The following IRAK3 variants were observed in gnomAD, a reference collection of about 807,000 sequenced individuals.
IRAK3 encodes the protein interleukin 1 receptor associated kinase 3.
Under a neutral mutation model 56.6 loss-of-function variants are expected in IRAK3, and 57 were observed. The observed-to-expected ratio is 1.01, with a 90% CI of 0.81 to 1.26. The LOEUF (loss-of-function observed/expected upper bound fraction) is 1.26. IRAK3 is among the 50% of genes most tolerant of loss of function. IRAK3 has a pLI of 0.00. For synonymous variants in IRAK3, 258 were observed against 255.7 expected, an observed-to-expected ratio of 1.01 and a Z score of -0.09; for missense variants, 703 against 719.0, an observed-to-expected ratio of 0.98 and a Z score of 0.25.
At chr12:66,207,038 T>C (rs757626617) in intron 2 of IRAK3, among the ~76,000 whole-genome samples, 12 of 152,198 alleles carry the variant, frequency 7.9e-5, no homozygotes, top group Middle Eastern at 3.2e-3. Flanking sequence ...TTCTGTGAGG[T>C]CAGTATTGAT....
intron 6 of IRAK3, among the ~76,000 whole-genome samples, chr12:66,218,607 T>G (rs1466281173): frequency 6.6e-6 from 1 of 152,170 alleles, no homozygotes; most frequent in Non-Finnish European, 1.5e-5. Context: ...TAGGTGAAAA[T>G]AGTTTATCAG....
intron 8 of IRAK3, among the ~76,000 whole-genome samples, chr12:66,244,161 A>C (rs923640788): frequency 6.6e-6 from 1 of 152,234 alleles, no homozygotes; most frequent in African/African-American, 2.4e-5. Context: ...GTGTAAGAAA[A>C]GCACAAGGAA....
intron 1 of IRAK3, among the ~76,000 whole-genome samples, chr12:66,199,292 G>A (rs1472275650): frequency 2.0e-5 from 3 of 152,208 alleles, no homozygotes; most frequent in Non-Finnish European, 4.4e-5. Flanking sequence ...GTGAGGCTGT[G>A]TTTTGCCTGG....
chr12:66,198,968 G>C (rs1263544507), intron 1 of IRAK3, among the ~76,000 whole-genome samples: 1 of 151,916 alleles, frequency 6.6e-6, no homozygotes, highest in Non-Finnish European at 1.5e-5. Flanking sequence ...ATGTTGCCCA[G>C]ACTGGTCTTA....
At chr12:66,189,848 A>G (rs1295155345) in intron 1 of IRAK3, among the ~76,000 whole-genome samples, 2 of 152,196 alleles carry the variant, frequency 1.3e-5, no homozygotes, top group Non-Finnish European at 2.9e-5. Flanking sequence ...GGTGTTTTCA[A>G]TGCATCCCTA....
At chr12:66,193,303 G>A (rs1193125057) in intron 1 of IRAK3, among the ~76,000 whole-genome samples, 2 of 152,086 alleles carry the variant, frequency 1.3e-5, no homozygotes, top group East Asian at 1.9e-4. Flanking sequence ...GTGAGCCACC[G>A]CGCCTGGCCT....
chr12:66,244,444 T>G, intron 8 of IRAK3, 42 bp from the exon 9 acceptor site: 1 of 1,460,024 alleles, frequency 6.8e-7, no homozygotes, highest in Non-Finnish European at 9.6e-7. Context: ...CTGAAGTGCC[T>G]TTATGATATT....
chr12:66,239,797 C>A (rs1391150080), intron 8 of IRAK3, among the ~76,000 whole-genome samples: 1 of 152,076 alleles, frequency 6.6e-6, no homozygotes, highest in East Asian at 1.9e-4. Context: ...CCTATTAATT[C>A]TATTTGCCAC....
At position 66,249,692 on chromosome 12, in the gene IRAK3, G is replaced by C. The variant is rs1031851158; in HGVS notation, c.*1521G>C. 3 of 152,428 alleles carry C rather than the reference G, an allele frequency of 2.0e-5. No homozygotes were observed. Among genetic ancestry groups the C allele is most frequent in the African/African-American group, 7.3e-5 (3 of 41,376 alleles). 9.4% of individuals were successfully genotyped at this position (152,428 alleles called of 1,614,324 possible). On this transcript the variant is annotated 3_prime_UTR_variant, in exon 12 of 12. Transcript: ENST00000261233. The stretch of plus-strand genomic sequence containing the variant: ...TCTTTGGCTCATGGCCTCTTCCTCC[G>C]TCTTCAAAGCCAGCAACGTGACATT...
At chr12:66,239,105 C>A (rs2136948451) in intron 8 of IRAK3, among the ~76,000 whole-genome samples, 1 of 152,212 alleles carries the variant, frequency 6.6e-6, no homozygotes, top group South Asian at 2.1e-4. Context: ...TAGCATTTTC[C>A]ATCCCAGACA....
In IRAK3 at chr12:66,189,277, C is replaced by A; in HGVS notation, c.-23C>A. The A allele has an allele frequency of 6.5e-7, 1 of 1,535,180 alleles. No individual in the cohort carries two copies. Among genetic ancestry groups the A allele is most frequent in the South Asian group, 1.2e-5 (1 of 84,204 alleles). On this transcript the variant is annotated 5_prime_UTR_variant, in exon 1 of 12. Transcript: ENST00000261233. ...GCAGGGACCTGGACTCCGCCTCGTC[C>A]CCGGGGCTCGGGCAGCCGAGCCATG...
chr12:66,217,418 T>C (rs1451773460), intron 6 of IRAK3, among the ~76,000 whole-genome samples, 183 bp downstream of exon 6: 1 of 152,194 alleles, frequency 6.6e-6, no homozygotes, highest in African/African-American at 2.4e-5. Context: ...AAATAGATCA[T>C]TTACATAATT....
chr12:66,244,965 A>G lies in IRAK3; in HGVS notation c.1104A>G (p.Leu368=). The change falls in exon 10 of 12, where the codon CTA becomes CTG. Residue 368 remains leucine (L), a synonymous_variant. Coordinates refer to ENST00000261233, the MANE Select transcript of IRAK3 (RefSeq NM_007199.3). The stretch of plus-strand genomic sequence containing the variant: ...CCTTGTAGGTAATAATGGAAGTTCT[A>G]ACAGGATGTAGAGTAGTGTTAGATG... ...YSFGIVIMEV[L]TGCRVVLDDP... 1 of 1,612,844 alleles carries G rather than the reference A, an allele frequency of 6.2e-7. No individual in the cohort carries two copies. Among genetic ancestry groups the G allele is most frequent in the Non-Finnish European group, 8.5e-7 (1 of 1,178,784 alleles).
intron 5 of IRAK3, among the ~76,000 whole-genome samples, chr12:66,212,336 CAACA>C (rs1376397162): frequency 3.9e-5 from 6 of 152,038 alleles, no homozygotes; most frequent in Admixed American, 1.3e-4. Context: ...AACAACAAAC[CAACA>C]AACAGAGTAG....
intron 5 of IRAK3, among the ~76,000 whole-genome samples, chr12:66,215,828 A>ACACT (rs1308404480): frequency 1.3e-5 from 2 of 151,508 alleles, no homozygotes; most frequent in South Asian, 2.1e-4. Context: ...ACACACACAC[A>ACACT]CTTATCAGGA....
chr12:66,209,207 A>G (rs191885884), intron 2 of IRAK3, among the ~76,000 whole-genome samples: 2 of 152,130 alleles, frequency 1.3e-5, no homozygotes, highest in African/African-American at 2.4e-5. Flanking sequence ...TTAATAATAG[A>G]TTAAGGCAAC....
chr12:66,235,473 C>A (rs1414103762), intron 8 of IRAK3, among the ~76,000 whole-genome samples: 1 of 151,650 alleles, frequency 6.6e-6, no homozygotes, highest in Non-Finnish European at 1.5e-5. Flanking sequence ...CCCCTCCGCA[C>A]TCGTCTAAAA....
At chr12:66,218,361 C>T (rs2052698306) in intron 6 of IRAK3, among the ~76,000 whole-genome samples, 1 of 152,070 alleles carries the variant, frequency 6.6e-6, no homozygotes, top group Admixed American at 6.6e-5. Context: ...TGAAATAATG[C>T]TGCAACAAGA....
chr12:66,232,788 GT>G (rs2052856980), intron 8 of IRAK3, among the ~76,000 whole-genome samples: 1 of 152,278 alleles, frequency 6.6e-6, no homozygotes, highest in Admixed American at 6.5e-5. Context: ...GAGGGATGCA[GT>G]TTTATTGTAC....
Sources: allele counts gnomAD v4.1 joint callset (sites outside exome capture counted in the v4.1 genomes callset), GRCh38; gene constraint gnomAD v4.1.1; transcripts MANE v1.5; gene names NCBI Gene and HGNC (gene_info 2026-07-23, HGNC 2026-07-21).